Variants in RASGRP1 observed in about 807,000 individuals in gnomAD.
RASGRP1 encodes RAS guanyl releasing protein 1.
A neutral mutation model predicts 95.1 loss-of-function variants in RASGRP1; 37 were observed. That is an observed-to-expected ratio of 0.39 (90% CI 0.30 to 0.51). RASGRP1 has a LOEUF of 0.51. Among genes scored for constraint, RASGRP1 ranks in the 20% least tolerant of loss-of-function variants. The pLI is 0.80. For missense variants in RASGRP1, 711 were observed against 965.4 expected, an observed-to-expected ratio of 0.74 and a Z score of 3.49; for synonymous variants, 325 against 353.4, an observed-to-expected ratio of 0.92 and a Z score of 0.90.
In RASGRP1 at chr15:38,498,959, C is replaced by T. The variant is rs1654415669; in HGVS notation, c.1721-13G>A. On this transcript the variant is annotated splice_polypyrimidine_tract_variant and intron_variant, in intron 14 of 16. Coordinates refer to ENST00000310803, the MANE Select transcript of RASGRP1 (RefSeq NM_005739.4). ...TTCATCCCGCAGTCTGTGGACAAGA[C>T]ATCCTGGGTCAAGAAGTCTTTCACT... 3 of 1,613,862 alleles carry T rather than the reference C, an allele frequency of 1.9e-6. No individual in the cohort carries two copies. Among genetic ancestry groups the T allele is most frequent in the Non-Finnish European group, 1.7e-6 (2 of 1,179,868 alleles).
intron 2 of RASGRP1, among the ~76,000 whole-genome samples, chr15:38,548,256 C>G (rs959885964): frequency 1.3e-5 from 2 of 152,126 alleles, no homozygotes; most frequent in East Asian, 1.9e-4. Context: ...TTTGAGGACA[C>G]TTTTAATTTT....
In RASGRP1 at chr15:38,490,525, T is replaced by A; in HGVS notation, c.*29A>T. 1 of 1,606,888 alleles carries A rather than the reference T, an allele frequency of 6.2e-7. No individual in the cohort carries two copies. Among genetic ancestry groups the A allele is most frequent in the African/African-American group, 1.3e-5 (1 of 74,864 alleles). ...TTAGGAAATGAGATCACTATACTCA[T>A]CTACAGATTGTGCTACTTAGTTTCT... On this transcript the variant is annotated 3_prime_UTR_variant, in exon 17 of 17. Transcript: ENST00000310803.
intron 2 of RASGRP1, among the ~76,000 whole-genome samples, chr15:38,540,320 G>A (rs1237945888): frequency 6.6e-6 from 1 of 152,164 alleles, no homozygotes; most frequent in East Asian, 1.9e-4. Context: ...GTTCTCTGCT[G>A]TACACACTAC....
intron 4 of RASGRP1, 30 bp downstream of exon 4, chr15:38,519,279 A>G (rs2141128226): frequency 6.6e-7 from 1 of 1,508,000 alleles, no homozygotes; most frequent in Non-Finnish European, 9.2e-7. Context: ...CTTGCTCCAC[A>G]AAGTCTTGAA....
chr15:38,562,314 G>C (rs1893840663), intron 1 of RASGRP1, among the ~76,000 whole-genome samples: 1 of 152,218 alleles, frequency 6.6e-6, no homozygotes, highest in Admixed American at 6.5e-5. Context: ...GAGCTGGACA[G>C]ACTCTTTATG....
chr15:38,496,847 C>T (rs1167239982), intron 15 of RASGRP1, among the ~76,000 whole-genome samples: 1 of 152,134 alleles, frequency 6.6e-6, no homozygotes, highest in Admixed American at 6.5e-5. Context: ...TCTAATTGAT[C>T]AATAAATGCA....
chr15:38,540,210 G>C (rs975429529), intron 2 of RASGRP1, among the ~76,000 whole-genome samples: 18 of 152,158 alleles, frequency 1.2e-4, no homozygotes, highest in African/African-American at 4.3e-4. Flanking sequence ...TTATAGGCAT[G>C]AGTCACTGTG....
At chr15:38,562,935 G>C (rs1241554893) in intron 1 of RASGRP1, among the ~76,000 whole-genome samples, 1 of 152,154 alleles carries the variant, frequency 6.6e-6, no homozygotes, top group African/African-American at 2.4e-5. Context: ...GTAAAGTATA[G>C]GGTAGTAAAA....
chr15:38,522,719 C>T (rs1892048417), intron 3 of RASGRP1, among the ~76,000 whole-genome samples: 2 of 152,078 alleles, frequency 1.3e-5, no homozygotes, highest in East Asian at 1.9e-4. Context: ...CCCATTACAT[C>T]CAGTATATTG....
In RASGRP1 at chr15:38,512,840, G is replaced by A. The variant is rs201353449; in HGVS notation, c.792C>T (p.Ser264=). ...CTGCTCGGAGCTGCGGCGTGGGGCGGCTGAGAACCATCAGTTGTACCCACT... is the reference window on the plus strand; with the variant it reads ...CTGCTCGGAGCTGCGGCGTGGGGCGACTGAGAACCATCAGTTGTACCCACT... ...ISQWVQLMVL[S]RPTPQLRAEV... is the part of the protein sequence containing the mutation. The change falls in exon 7 of 17, where the codon AGC becomes AGT. Residue 264 remains serine (S), a synonymous_variant. Coordinates refer to ENST00000310803, the MANE Select transcript of RASGRP1 (RefSeq NM_005739.4). 46 of 1,613,664 alleles carry A rather than the reference G, an allele frequency of 2.9e-5. No homozygotes were observed. The highest frequency in any genetic ancestry group is 3.7e-5 in the Non-Finnish European group (44 of 1,179,750).
intron 2 of RASGRP1, among the ~76,000 whole-genome samples, chr15:38,526,636 A>C (rs527777681): frequency 6.6e-6 from 1 of 152,240 alleles, no homozygotes; most frequent in South Asian, 2.1e-4. Flanking sequence ...CACAGTGGTA[A>C]AATCGGGAAA....
intron 2 of RASGRP1, among the ~76,000 whole-genome samples, chr15:38,542,161 C>T (rs1892890911): frequency 6.6e-6 from 1 of 152,074 alleles, no homozygotes. Context: ...CACTGCAATC[C>T]AGCTTGGGTG....
intron 2 of RASGRP1, among the ~76,000 whole-genome samples, chr15:38,552,365 C>T (rs574636800): frequency 6.6e-6 from 1 of 152,180 alleles, no homozygotes. Context: ...CCCACCTCAA[C>T]ATTTTGTTAT....
chr15:38,527,010 A>G (rs927112085), intron 2 of RASGRP1, among the ~76,000 whole-genome samples: 7 of 152,220 alleles, frequency 4.6e-5, no homozygotes, highest in African/African-American at 1.7e-4. Flanking sequence ...AGTGGATTAC[A>G]AGTACTCATG....
chr15:38,504,240 C>T (rs982160121), intron 10 of RASGRP1: 1 of 152,002 alleles, frequency 6.6e-6, no homozygotes, highest in Non-Finnish European at 1.5e-5. Flanking sequence ...AAATACTGTA[C>T]ACTTAGACTA....
chr15:38,564,536 G>A, intron 1 of RASGRP1, 58 bp downstream of exon 1: 1 of 1,313,246 alleles, frequency 7.6e-7, no homozygotes, highest in Non-Finnish European at 9.8e-7. Context: ...ACGGGCAGGG[G>A]CCTCTTTCCC....
At chr15:38,536,726 A>C (rs1354901212) in intron 2 of RASGRP1, among the ~76,000 whole-genome samples, 2 of 152,210 alleles carry the variant, frequency 1.3e-5, no homozygotes, top group Non-Finnish European at 2.9e-5. Context: ...ATAGAAATCC[A>C]CTGACCATAG....
At chr15:38,529,764 A>G (rs779128112) in intron 2 of RASGRP1, among the ~76,000 whole-genome samples, 5 of 152,242 alleles carry the variant, frequency 3.3e-5, no homozygotes, top group Non-Finnish European at 5.9e-5. Flanking sequence ...TATATCGAAT[A>G]GGAAACACGT....
At chr15:38,527,028 G>A (rs1892250564) in intron 2 of RASGRP1, among the ~76,000 whole-genome samples, 1 of 152,174 alleles carries the variant, frequency 6.6e-6, no homozygotes, top group East Asian at 1.9e-4. Flanking sequence ...ATGATGATTT[G>A]TATTAAAGAA....
Sources: allele counts gnomAD v4.1 joint callset (sites outside exome capture counted in the v4.1 genomes callset), GRCh38; gene constraint gnomAD v4.1.1; transcripts MANE v1.5; gene names NCBI Gene and HGNC (gene_info 2026-07-23, HGNC 2026-07-21).